Variants in KANSL3 observed in about 807,000 individuals in gnomAD.
KANSL3 encodes the protein KAT8 regulatory NSL complex subunit 3, also known as NSL complex protein NSL3.
In KANSL3, 16 loss-of-function variants were observed where a neutral mutation model predicts 89.2. That is an observed-to-expected ratio of 0.18 (90% CI 0.12 to 0.27). The LOEUF (loss-of-function observed/expected upper bound fraction) is 0.27, where lower values mean the gene tolerates loss of function less well. KANSL3 is among the 10% of genes least tolerant of loss of function. KANSL3 has a pLI of 1.00. For missense variants in KANSL3, 879 were observed against 1,110.6 expected, an observed-to-expected ratio of 0.79 and a Z score of 2.96; for synonymous variants, 385 against 419.7, an observed-to-expected ratio of 0.92 and a Z score of 1.01.
chr2:96,609,847 G>A (rs2068595414), intron 11 of KANSL3, among the ~76,000 whole-genome samples: 1 of 143,592 alleles, frequency 7.0e-6, no homozygotes, highest in Non-Finnish European at 1.5e-5. Context: ...TATACCTATA[G>A]CTTAATAGAT....
chr2:96,596,351 G>GT (rs1444785185), intron 20 of KANSL3, among the ~76,000 whole-genome samples: 15 of 152,240 alleles, frequency 9.9e-5, no homozygotes, highest in Non-Finnish European at 1.8e-4. Flanking sequence ...GAGCCCAGAA[G>GT]TTTAAGACCA....
At chr2:96,596,771 C>T (rs2066577771) in intron 20 of KANSL3, among the ~76,000 whole-genome samples, 2 of 152,242 alleles carry the variant, frequency 1.3e-5, no homozygotes, top group South Asian at 4.1e-4. Context: ...TACAAGGCTA[C>T]AGTGAGGCCC....
chr2:96,597,118 G>A (rs2066613096), intron 20 of KANSL3, among the ~76,000 whole-genome samples: 1 of 152,102 alleles, frequency 6.6e-6, no homozygotes, highest in South Asian at 2.1e-4. Context: ...CAAAAATATT[G>A]CAGTATGGAA....
chr2:96,602,104 T>A lies in KANSL3; in HGVS notation c.2482+12A>T. 1 of 1,558,770 alleles carries A rather than the reference T, an allele frequency of 6.4e-7. No homozygotes were observed. The highest frequency in any genetic ancestry group is 1.2e-5 in the South Asian group (1 of 84,664). Reference sequence around the variant, plus strand: ...GATCTGGGAGTCCCCACAGTTCTCATGAGAGACTCACCTGATGCTTGGTTA... The same window carrying A: ...GATCTGGGAGTCCCCACAGTTCTCAAGAGAGACTCACCTGATGCTTGGTTA... On this transcript the variant is annotated intron_variant, in intron 19 of 20. Transcript: ENST00000431828.
chr2:96,635,806 T>C (rs987381235), intron 2 of KANSL3, among the ~76,000 whole-genome samples: 1 of 152,084 alleles, frequency 6.6e-6, no homozygotes, highest in African/African-American at 2.4e-5. Context: ...CTGGCTAACA[T>C]GGTGGGTGGA....
chr2:96,615,613 T>C, intron 5 of KANSL3: 1 of 826,390 alleles, frequency 1.2e-6, no homozygotes, highest in African/African-American at 1.8e-5. Context: ...TTTGAAAAAT[T>C]GGAGAATAAA....
intron 3 of KANSL3, among the ~76,000 whole-genome samples, chr2:96,626,023 T>C (rs999273905): frequency 2.6e-5 from 4 of 152,190 alleles, no homozygotes; most frequent in African/African-American, 9.7e-5. Flanking sequence ...CTTCCTTTCT[T>C]AGATGAGATC....
intron 20 of KANSL3, chr2:96,600,709 T>C: frequency 2.0e-6 from 2 of 985,414 alleles, no homozygotes; most frequent in African/African-American, 1.7e-5. Flanking sequence ...GCTCCTCAGA[T>C]TACCATTTTA....
intron 5 of KANSL3, among the ~76,000 whole-genome samples, chr2:96,617,859 G>A (rs145031392): frequency 3.3e-5 from 5 of 151,826 alleles, no homozygotes; most frequent in African/African-American, 7.2e-5. Flanking sequence ...GGTGGCACAC[G>A]CCTGTAGTCT....
intron 2 of KANSL3, 25 bp downstream of exon 2, chr2:96,636,896 G>C: frequency 6.7e-7 from 1 of 1,483,068 alleles, no homozygotes; most frequent in Non-Finnish European, 9.0e-7. Flanking sequence ...GAGGTTACCA[G>C]CAGCCCTTAG....
rs761180275 is a variant in KANSL3 at position 96,612,901 on chromosome 2, C to T, written c.829G>A (p.Ala277Thr). 131 of 1,568,134 alleles carry T rather than the reference C, an allele frequency of 8.4e-5. 1 individual carries two copies. Among genetic ancestry groups the T allele is most frequent in the South Asian group, 1.2e-4 (10 of 85,016 alleles). The change falls in exon 7 of 21, where the codon GCC becomes ACC. Residue 277 changes from alanine (A) to threonine (T), a missense_variant. Coordinates refer to ENST00000431828, the MANE Select transcript of KANSL3 (RefSeq NM_001115016.3). ...KLPGSPLILI[A>T]SSGPSSSVFP... is the part of the protein sequence containing the mutation. ...ACAGAGCTGGAGGGACCAGAGGAGG[C>T]GATGAGAATCAGCGGAGAGCCAGGG...
intron 2 of KANSL3, among the ~76,000 whole-genome samples, chr2:96,635,320 A>G (rs1001893152): frequency 1.3e-4 from 20 of 152,298 alleles, no homozygotes; most frequent in Admixed American, 1.2e-3. Flanking sequence ...TTCTGGCCAC[A>G]CTGGCCTAAA....
In KANSL3 at chr2:96,604,291, T is replaced by G. The variant is rs201975539; in HGVS notation, c.2108A>C (p.Gln703Pro). The G allele has an allele frequency of 6.2e-7, 1 of 1,612,960 alleles. No homozygotes were observed. The highest frequency in any genetic ancestry group is 2.2e-5 in the East Asian group (1 of 44,812). ...AGGAGATGTGGCCACCAGGCGGCTC[T>G]GCAGTGTGTGCAAGGCACTGGGTGC... ...STAPSALHTL[Q>P]SRLVATSPGS... The change falls in exon 17 of 21, where the codon CAG (glutamine) becomes CCG (proline). Residue 703 changes from glutamine (Q) to proline (P), a missense_variant. Coordinates refer to ENST00000431828, the MANE Select transcript of KANSL3 (RefSeq NM_001115016.3).
intron 12 of KANSL3, 124 bp from the exon 13 acceptor site, chr2:96,609,188 C>T (rs1469272313): frequency 2.2e-6 from 2 of 894,472 alleles, no homozygotes; most frequent in East Asian, 2.7e-5. Context: ...CCAGTCCTTC[C>T]CCACTCAAAC....
chr2:96,600,764 T>C, intron 20 of KANSL3: 1 of 985,442 alleles, frequency 1.0e-6, no homozygotes, highest in East Asian at 1.1e-4. Context: ...GGAAATTAGA[T>C]CAGCTAAGAG....
downstream of KANSL3, among the ~76,000 whole-genome samples, chr2:96,592,989 C>T (rs1401638397): frequency 5.3e-5 from 8 of 151,294 alleles, 1 homozygote; most frequent in South Asian, 4.2e-4. Flanking sequence ...AATAACAATG[C>T]GAGACTCCAT....
intron 16 of KANSL3, 145 bp from the exon 17 acceptor site, chr2:96,604,525 T>G: frequency 9.8e-7 from 1 of 1,016,442 alleles, no homozygotes; most frequent in Non-Finnish European, 1.4e-6. Context: ...TCCCACTTTC[T>G]GTACCTGGCC....
Position 96,636,914 on chromosome 2 carries a change from A to C in KANSL3, c.215+7T>G. On this transcript the variant is annotated splice_region_variant and intron_variant, in intron 2 of 20. Coordinates refer to ENST00000431828, the MANE Select transcript of KANSL3 (RefSeq NM_001115016.3). Reference sequence around the variant, plus strand: ...GTTACCAGCAGCCCTTAGAAGCCCCAACTCACATGGTACTTTCGTGCTGCC... The same window carrying C: ...GTTACCAGCAGCCCTTAGAAGCCCCCACTCACATGGTACTTTCGTGCTGCC... 2 of 1,510,308 alleles carry C rather than the reference A, an allele frequency of 1.3e-6. No homozygotes were observed. Among genetic ancestry groups the C allele is most frequent in the Non-Finnish European group, 1.8e-6 (2 of 1,125,176 alleles). 93.6% of individuals were successfully genotyped at this position (1,510,308 alleles called of 1,614,324 possible).
At chr2:96,614,987 G>C (rs559714503) in intron 5 of KANSL3, 2 of 150,970 alleles carry the variant, frequency 1.3e-5, no homozygotes, top group Admixed American at 1.3e-4. Context: ...GGATAAAACA[G>C]ATTTCTAAAC....
Sources: allele counts gnomAD v4.1 joint callset (sites outside exome capture counted in the v4.1 genomes callset), GRCh38; gene constraint gnomAD v4.1.1; transcripts MANE v1.5; gene names NCBI Gene and HGNC (gene_info 2026-07-23, HGNC 2026-07-21).